FGGY: variants seen among roughly 807,000 people sequenced by gnomAD.
FGGY encodes FGGY carbohydrate kinase domain-containing protein.
FGGY carries 72 observed loss-of-function variants against 71.3 expected under a neutral mutation model. That is an observed-to-expected ratio of 1.01 (90% CI 0.84 to 1.23). The LOEUF (loss-of-function observed/expected upper bound fraction) is 1.23, where lower values mean the gene tolerates loss of function less well. Ranked by LOEUF, FGGY falls within the 50% of genes most tolerant of loss-of-function variation. The pLI is 0.00. For missense variants in FGGY, 668 were observed against 682.3 expected (o/e 0.98, Z 0.23); for synonymous variants, 251 against 250.3 (o/e 1.00, Z -0.02).
At chr1:59,300,592 C>T (rs767907305) in intron 1 of FGGY, among the ~76,000 whole-genome samples, 1 of 152,008 alleles carries the variant, frequency 6.6e-6, no homozygotes, top group Non-Finnish European at 1.5e-5. Context: ...AATATTCTTC[C>T]TATTTTTAAA....
At chr1:59,298,162 C>A (rs2042244586) in intron 1 of FGGY, among the ~76,000 whole-genome samples, 1 of 151,738 alleles carries the variant, frequency 6.6e-6, no homozygotes, top group Non-Finnish European at 1.5e-5. Flanking sequence ...GATTTTTTTC[C>A]TTTTTAACTT....
At chr1:59,556,561 A>G (rs1042886247) in intron 8 of FGGY, among the ~76,000 whole-genome samples, 3 of 152,194 alleles carry the variant, frequency 2.0e-5, no homozygotes, top group East Asian at 1.9e-4. Context: ...TGATGTACCC[A>G]TAGAGGAATG....
intron 8 of FGGY, among the ~76,000 whole-genome samples, chr1:59,592,407 C>A (rs1330762309): frequency 1.3e-5 from 2 of 152,080 alleles, no homozygotes; most frequent in Non-Finnish European, 2.9e-5. Context: ...ACTAGAAATA[C>A]CATTTGACCC....
intron 8 of FGGY, among the ~76,000 whole-genome samples, chr1:59,566,699 TA>T (rs1434427954): frequency 6.6e-6 from 1 of 152,184 alleles, no homozygotes; most frequent in Non-Finnish European, 1.5e-5. Flanking sequence ...TGCATTAGAA[TA>T]AAACCGAAGT....
intron 6 of FGGY, among the ~76,000 whole-genome samples, chr1:59,491,589 A>G (rs534171190): frequency 3.2e-4 from 48 of 152,140 alleles, no homozygotes; most frequent in African/African-American, 1.1e-3. Flanking sequence ...TTGTTGATCA[A>G]TTCTAAGAGT....
chr1:59,722,975 T>A (rs2097910008), intron 14 of FGGY, among the ~76,000 whole-genome samples: 1 of 152,164 alleles, frequency 6.6e-6, no homozygotes. Flanking sequence ...TTTTTTGTAT[T>A]TTTAGTAGAG....
At chr1:59,324,511 C>T (rs927129242) in intron 2 of FGGY, among the ~76,000 whole-genome samples, 1 of 151,626 alleles carries the variant, frequency 6.6e-6, no homozygotes, top group Non-Finnish European at 1.5e-5. Context: ...CTCCTGACCT[C>T]GTGATCCGCC....
chr1:59,522,284 GT>G (rs1386693824), intron 7 of FGGY, among the ~76,000 whole-genome samples: 1 of 152,214 alleles, frequency 6.6e-6, no homozygotes, highest in Non-Finnish European at 1.5e-5. Context: ...ATCTATTTGT[GT>G]GTAGGTATGT....
At chr1:59,369,912 G>C (rs946553708) in intron 4 of FGGY, among the ~76,000 whole-genome samples, 1 of 152,146 alleles carries the variant, frequency 6.6e-6, no homozygotes, top group Non-Finnish European at 1.5e-5. Flanking sequence ...AAACCCATCT[G>C]TATATCACCA....
At chr1:59,569,865 A>G (rs1458464133) in intron 8 of FGGY, among the ~76,000 whole-genome samples, 1 of 152,190 alleles carries the variant, frequency 6.6e-6, no homozygotes, top group Non-Finnish European at 1.5e-5. Context: ...AATAAATGAT[A>G]GGGCCAAGAC....
chr1:59,456,811 T>C (rs556587242), intron 5 of FGGY, 150 bp from the exon 6 acceptor site: 52 of 563,430 alleles, frequency 9.2e-5, no homozygotes, highest in Non-Finnish European at 1.4e-4. Context: ...CCATGGAGAC[T>C]TTTTACCTAA....
At chr1:59,437,358 C>T (rs1168425940) in intron 5 of FGGY, among the ~76,000 whole-genome samples, 4 of 152,218 alleles carry the variant, frequency 2.6e-5, no homozygotes, top group African/African-American at 9.6e-5. Flanking sequence ...AAAACTGGCC[C>T]AGTGGTAGAG....
In FGGY at chr1:59,547,977, G is replaced by A. The variant is rs372272132; in HGVS notation, c.800-6147G>A. Reference sequence around the variant, plus strand: ...AGTGTGAAGACTTGCCCTGGCCTCCGTTTGCTTATAGTGTAGTAGAGGGAT... The same window carrying A: ...AGTGTGAAGACTTGCCCTGGCCTCCATTTGCTTATAGTGTAGTAGAGGGAT... On this transcript the variant is annotated intron_variant, in intron 7 of 15. Transcript: ENST00000303721. 2.5e-3 allele frequency among the ~76,000 whole-genome samples: 378 copies of A among 152,254 alleles called. 2 individuals carry two copies. Among genetic ancestry groups the A allele is most frequent in the African/African-American group, 8.7e-3 (360 of 41,536 alleles).
chr1:59,534,145 T>C (rs2095246602), intron 7 of FGGY, among the ~76,000 whole-genome samples: 1 of 152,126 alleles, frequency 6.6e-6, no homozygotes, highest in Non-Finnish European at 1.5e-5. Context: ...AAGGAGCTGA[T>C]GGAGCTGAAA....
chr1:59,307,247 G>A (rs1158100882), intron 1 of FGGY, among the ~76,000 whole-genome samples: 2 of 147,814 alleles, frequency 1.4e-5, no homozygotes, highest in East Asian at 2.0e-4. Context: ...CCAGGAGGTC[G>A]AGGCCACAAT....
chr1:59,708,396 C>A (rs941750285), intron 14 of FGGY, among the ~76,000 whole-genome samples: 5 of 152,118 alleles, frequency 3.3e-5, no homozygotes, highest in African/African-American at 1.2e-4. Context: ...ACTGGGCTGC[C>A]TTTTGAACAA....
chr1:59,421,526 C>T (rs1204347952), intron 5 of FGGY, among the ~76,000 whole-genome samples: 4 of 146,442 alleles, frequency 2.7e-5, no homozygotes, highest in African/African-American at 1.0e-4. Context: ...TCCTTTTCTC[C>T]TTCCCTCACT....
At chr1:59,578,350 A>G (rs573493399) in intron 8 of FGGY, among the ~76,000 whole-genome samples, 2 of 152,128 alleles carry the variant, frequency 1.3e-5, no homozygotes, top group South Asian at 4.2e-4. Flanking sequence ...TGAGGACATA[A>G]TGAAGCCAGA....
intron 5 of FGGY, among the ~76,000 whole-genome samples, chr1:59,379,578 T>C (rs1218319271): frequency 6.6e-6 from 1 of 152,154 alleles, no homozygotes; most frequent in Admixed American, 6.5e-5. Context: ...CCTAGGATAT[T>C]ACTGTACACT....
Sources: gnomAD v4.1 joint callset for allele counts (sites outside exome capture counted in the v4.1 genomes callset) on GRCh38, gnomAD v4.1.1 for gene constraint, MANE v1.5 for transcripts, NCBI Gene and HGNC (gene_info 2026-07-23, HGNC 2026-07-21) for gene names.